The following CACNA1S variants were observed in gnomAD, a reference collection of about 807,000 sequenced individuals.
CACNA1S encodes voltage-dependent L-type calcium channel subunit alpha-1S.
Under a neutral mutation model 207.4 loss-of-function variants are expected in CACNA1S, and 126 were observed. That is an observed-to-expected ratio of 0.61 (90% confidence interval 0.53 to 0.70). The LOEUF (loss-of-function observed/expected upper bound fraction) is 0.70, where lower values mean the gene tolerates loss of function less well. CACNA1S is among the 30% of genes least tolerant of loss of function. The pLI is 0.00. For missense variants in CACNA1S, 2,349 were observed against 2,422.8 expected, an observed-to-expected ratio of 0.97 and a Z score of 0.64; for synonymous variants, 960 against 932.7, an observed-to-expected ratio of 1.03 and a Z score of -0.53.
rs1013254810 is a variant in CACNA1S, at chr1:201,040,668, G to T, written c.5180C>A (p.Thr1727Asn). Residue 1727 changes from threonine to asparagine, a missense_variant, in exon 42 of 44, where the codon ACC becomes AAC. By Grantham distance (65) the Thr-to-Asn change is moderately conservative (BLOSUM62 0). Coordinates refer to ENST00000362061, the MANE Select transcript of CACNA1S (RefSeq NM_000069.3). ...CTGGCCTCTGGGCATTGCCCTCTGG[G>T]TCAGCAGTCCCTTCAGCATCTCCAC... ...PCVEMLKGLL[T>N]QRAMPRGQAP... The T allele has an allele frequency of 1.2e-6, 2 of 1,614,122 alleles. No homozygotes were observed. Among genetic ancestry groups the T allele is most frequent in the Admixed American group, 3.3e-5 (2 of 60,018 alleles).
In CACNA1S at chr1:201,062,045, C is replaced by T. The variant is rs1553250091; in HGVS notation, c.2952G>A (p.Glu984=). 1 of 1,614,170 alleles carries T rather than the reference C, an allele frequency of 6.2e-7. No homozygotes were observed. The highest frequency in any genetic ancestry group is 1.7e-5 in the Admixed American group (1 of 60,020). Residue 984 remains glutamate (E), a synonymous_variant, in exon 24 of 44, where the codon GAG becomes GAA. Coordinates refer to ENST00000362061, the MANE Select transcript of CACNA1S (RefSeq NM_000069.3). ...VYKDGDPMQI[E]LRHREWVHSD... ...TGTGTACCCACTCGCGGTGACGCAG[C>T]TCTATCTGCATGGGGTCCCCGTCCT...
In CACNA1S at chr1:201,053,059, C is replaced by G; in HGVS notation, c.3861+150G>C. 1 of 910,004 alleles carries G rather than the reference C, an allele frequency of 1.1e-6. No homozygotes were observed. Among genetic ancestry groups the G allele is most frequent in the Non-Finnish European group, 1.8e-6 (1 of 551,694 alleles). 56.4% of individuals were successfully genotyped at this position (910,004 alleles called of 1,614,324 possible). ...ATCTGACACTCCAGCCATCCACGAT[C>G]AGGGAGGTTGTCCCTCCTTCTTTCT... is the stretch of plus-strand genomic sequence containing the variant. On this transcript the variant is annotated intron_variant, in intron 31 of 43. Transcript: ENST00000362061. The surrounding 1 kb of genome is among the most constrained non-coding windows in gnomAD (Gnocchi z 5.1).
intron 9 of CACNA1S, among the ~76,000 whole-genome samples, chr1:201,084,190 T>C (rs959974353): frequency 3.9e-5 from 6 of 152,224 alleles, no homozygotes; most frequent in Admixed American, 3.3e-4. Context: ...TTGACAAATA[T>C]TTGGCAACAC....
Position 201,053,406 on chromosome 1 carries a change from A to AT in CACNA1S, c.3795+52dup. ...TGGGGCCCACCCTGGGCTGAGGCAG[A>AT]TGTCCCTAGTGGCCTCCCCAGGTAC... On this transcript the variant is annotated intron_variant, in intron 30 of 43. Transcript: ENST00000362061. The surrounding 1 kb of genome is among the most constrained non-coding windows in gnomAD (Gnocchi z 5.1). 1.9e-6 allele frequency: 3 copies of AT among 1,613,894 alleles called. No individual in the cohort carries two copies. In the Admixed American group the frequency reaches 5.0e-5, roughly 27 times the overall value.
chr1:201,082,351 C>T (rs1196710991), intron 10 of CACNA1S, among the ~76,000 whole-genome samples: 1 of 152,064 alleles, frequency 6.6e-6, no homozygotes, highest in Non-Finnish European at 1.5e-5. Flanking sequence ...TATAGCAACA[C>T]AAGAATGGCC....
intron 2 of CACNA1S, among the ~76,000 whole-genome samples, chr1:201,106,167 T>TC (rs1362123425): frequency 7.5e-6 from 1 of 132,788 alleles, no homozygotes; most frequent in Non-Finnish European, 1.6e-5. Flanking sequence ...CACACCTCCA[T>TC]CCCCACCTCC....
In CACNA1S at chr1:201,044,411, G is replaced by T; in HGVS notation, c.4714C>A (p.Arg1572Ser). 6.2e-7 allele frequency: 1 copy of T among 1,613,532 alleles called. No homozygotes were observed. Among genetic ancestry groups the T allele is most frequent in the Non-Finnish European group, 8.5e-7 (1 of 1,179,906 alleles). The change falls in exon 39 of 44, where the codon CGC (arginine) becomes AGC (serine). Residue 1572 changes from arginine to serine, a missense_variant. By Grantham distance (110) the Arg-to-Ser change is moderately radical. Transcript: ENST00000362061. Reference protein sequence around the residue: ...IEEEAAPEICRTVSGDLAAEE... With the variant: ...IEEEAAPEICSTVSGDLAAEE... ...GCAGCCAGGTCTCCTGAGACCGTGC[G>T]ACAGATCTCGGGGGCTGCCTCTTCC...
At chr1:201,060,915 T>G in intron 25 of CACNA1S, 99 bp from the exon 26 acceptor site, 1 of 1,435,764 alleles carries the variant, frequency 7.0e-7, no homozygotes, top group Non-Finnish European at 9.8e-7. Context: ...GGAGCAGCTG[T>G]GGCCAGGGGC....
At position 201,066,249 on chromosome 1, in the gene CACNA1S, T is replaced by G; in HGVS notation, c.2725A>C (p.Asn909His). The change falls in exon 21 of 44, where the codon AAC becomes CAC. Residue 909 changes from asparagine (N) to histidine (H), a missense_variant. Transcript: ENST00000362061. The surrounding 1 kb of genome is among the most constrained non-coding windows in gnomAD (Gnocchi z 4.3). ...CTCACCTTCAACCCCTTGGCTCTGT[T>G]GATGGCTCTGAGTGGTCGGAGCACC... ...LRVLRPLRAI[N>H]RAKGLKHVVQ... 6.2e-7 allele frequency: 1 copy of G among 1,613,864 alleles called. No homozygotes were observed.
chr1:201,102,409 C>T (rs530045035), intron 2 of CACNA1S, among the ~76,000 whole-genome samples: 6 of 152,278 alleles, frequency 3.9e-5, no homozygotes, highest in East Asian at 1.9e-4. Flanking sequence ...GAGGCAGGCC[C>T]TCGTCAGCCT....
At chr1:201,045,598 G>C (rs1660442535) in intron 38 of CACNA1S, among the ~76,000 whole-genome samples, 1 of 152,060 alleles carries the variant, frequency 6.6e-6, no homozygotes. Context: ...AGCCTGGCAT[G>C]GTGGTGTGTG....
intron 40 of CACNA1S, chr1:201,043,016 C>A: frequency 2.2e-6 from 1 of 453,072 alleles, no homozygotes; most frequent in South Asian, 2.1e-5. Context: ...GTCTCAGCTC[C>A]TAGACTTGCT....
Position 201,053,639 on chromosome 1 carries a change from T to G in CACNA1S, c.3667-52A>C. 1 of 1,528,286 alleles carries G rather than the reference T, an allele frequency of 6.5e-7. No homozygotes were observed. The highest frequency in any genetic ancestry group is 9.0e-7 in the Non-Finnish European group (1 of 1,110,364). The allele number at this position is 1,528,286 out of a possible 1,614,324, so 94.7% of individuals were successfully genotyped here. A position where few individuals can be genotyped will look rare whatever the true frequency, so the allele number is the denominator to read the frequency against. ...GTCTGGGGGCAGAACCTCAGAGGGG[T>G]AAGGGGCAGGGCGGGGAGGGAGGTG... On this transcript the variant is annotated intron_variant, in intron 29 of 43. Transcript: ENST00000362061. The surrounding 1 kb of genome is among the most constrained non-coding windows in gnomAD (Gnocchi z 5.1).
rs2102193927 is a variant in CACNA1S, at chr1:201,112,249, A to G, written c.91T>C (p.Leu31=). The part of the protein sequence containing the change: ...PEILPRPPRA[L]FCLTLENPLR... ...GGGTTCTCCAGGGTCAGGCAGAACA[A>G]GGCCCGGGGTGGCCTTGGCAGAATC... Residue 31 remains leucine (L), a synonymous_variant, in exon 1 of 44, where the codon TTG becomes CTG. Coordinates refer to ENST00000362061, the MANE Select transcript of CACNA1S (RefSeq NM_000069.3). The G allele has an allele frequency of 1.2e-6, 2 of 1,613,984 alleles. No individual in the cohort carries two copies. Among genetic ancestry groups the G allele is most frequent in the Non-Finnish European group, 1.7e-6 (2 of 1,179,962 alleles).
chr1:201,090,793 C>T (rs945881216), intron 5 of CACNA1S, among the ~76,000 whole-genome samples: 1 of 152,176 alleles, frequency 6.6e-6, no homozygotes, highest in African/African-American at 2.4e-5. Flanking sequence ...CACACACACA[C>T]AGAAGTTGAT....
At chr1:201,062,391 C>A in intron 23 of CACNA1S, 71 bp downstream of exon 23, 1 of 1,463,892 alleles carries the variant, frequency 6.8e-7, no homozygotes, top group Non-Finnish European at 9.6e-7. Context: ...CCACAGTGCT[C>A]CCTGCCCCGT....
chr1:201,059,168 C>T (rs1256821637), intron 27 of CACNA1S, 21 bp downstream of exon 27: 8 of 1,507,370 alleles, frequency 5.3e-6, no homozygotes, highest in African/African-American at 1.4e-5. Flanking sequence ...TCTCATCTGG[C>T]CCGGTGGCCC....
At chr1:201,044,518 T>G in intron 38 of CACNA1S, 62 bp from the exon 39 acceptor site, 1 of 1,587,938 alleles carries the variant, frequency 6.3e-7, no homozygotes, top group Non-Finnish European at 8.6e-7. Flanking sequence ...AGAACCACTT[T>G]TTCTTTTTTT....
intron 2 of CACNA1S, among the ~76,000 whole-genome samples, chr1:201,099,237 C>T (rs1414163709): frequency 2.0e-5 from 3 of 152,240 alleles, no homozygotes; most frequent in Admixed American, 2.0e-4. Context: ...GCAGATACCA[C>T]ACCTTCTTCC....
Sources: allele counts gnomAD v4.1 joint callset (sites outside exome capture counted in the v4.1 genomes callset), GRCh38; gene constraint gnomAD v4.1.1; non-coding constraint Gnocchi (gnomAD v3.1); transcripts MANE v1.5; gene names NCBI Gene and HGNC (gene_info 2026-07-23, HGNC 2026-07-21).